ASTN2: variants seen among roughly 807,000 people sequenced by gnomAD.
The protein encoded by ASTN2 is astrotactin 2, also known as astrotactin-2.
A neutral mutation model predicts 139.8 loss-of-function variants in ASTN2; 54 were observed. That is an observed-to-expected ratio of 0.39 (90% CI 0.31 to 0.48). ASTN2 has a LOEUF of 0.48. Among genes scored for constraint, ASTN2 ranks in the 20% least tolerant of loss-of-function variants. The pLI, the probability that ASTN2 is intolerant of heterozygous loss-of-function variation, is 0.95. For missense variants in ASTN2, 1,565 were observed against 1,725.1 expected, an observed-to-expected ratio of 0.91 and a Z score of 1.64; for synonymous variants, 756 against 719.5, an observed-to-expected ratio of 1.05 and a Z score of -0.81.
At chr9:116,889,703 T>C (rs1235974996) in intron 10 of ASTN2, among the ~76,000 whole-genome samples, 2 of 147,534 alleles carry the variant, frequency 1.4e-5, no homozygotes, top group Non-Finnish European at 3.0e-5. Flanking sequence ...CTGGGCAACA[T>C]AGCAAGACCT....
intron 4 of ASTN2, among the ~76,000 whole-genome samples, chr9:117,139,231 A>G (rs1480282097): frequency 6.6e-6 from 1 of 152,248 alleles, no homozygotes. Context: ...GCATGTATTC[A>G]TTCCCTGATG....
At chr9:117,373,079 C>T (rs1045937773) in intron 1 of ASTN2, among the ~76,000 whole-genome samples, 6 of 152,044 alleles carry the variant, frequency 3.9e-5, no homozygotes, top group South Asian at 4.2e-4. Flanking sequence ...TGCTGTCATT[C>T]GCATCATTGT....
chr9:116,600,557 C>T (rs758220233), intron 19 of ASTN2, among the ~76,000 whole-genome samples: 3 of 152,136 alleles, frequency 2.0e-5, no homozygotes, highest in Non-Finnish European at 4.4e-5. Flanking sequence ...GACTTATCCT[C>T]AACTCCCTCA....
chr9:117,366,797 C>T (rs552170013), intron 1 of ASTN2, among the ~76,000 whole-genome samples: 9 of 151,946 alleles, frequency 5.9e-5, no homozygotes, highest in East Asian at 3.9e-4. Flanking sequence ...TTTTCTGAGA[C>T]GCAGTCTCAC....
At chr9:117,047,660 C>G (rs1051968679) in intron 5 of ASTN2, among the ~76,000 whole-genome samples, 2 of 152,108 alleles carry the variant, frequency 1.3e-5, no homozygotes, top group Non-Finnish European at 2.9e-5. Flanking sequence ...TTTAATATCT[C>G]CTTCCCAGGG....
chr9:117,286,221 T>C (rs1227759480), intron 2 of ASTN2, among the ~76,000 whole-genome samples: 1 of 151,972 alleles, frequency 6.6e-6, no homozygotes, highest in Non-Finnish European at 1.5e-5. Flanking sequence ...AATGTGACAA[T>C]GGCAATGGCA....
At chr9:116,681,025 G>A (rs1859830490) in intron 16 of ASTN2, among the ~76,000 whole-genome samples, 1 of 152,162 alleles carries the variant, frequency 6.6e-6, no homozygotes, top group Non-Finnish European at 1.5e-5. Flanking sequence ...TCTGGCCAGG[G>A]CAATTAGGCA....
chr9:117,280,428 A>G (rs1834297728), intron 2 of ASTN2, among the ~76,000 whole-genome samples: 1 of 152,182 alleles, frequency 6.6e-6, no homozygotes, highest in African/African-American at 2.4e-5. Context: ...AAAAAATCTT[A>G]TGTATAACAA....
chr9:116,563,530 C>T (rs1020377552), intron 19 of ASTN2, among the ~76,000 whole-genome samples: 6 of 152,170 alleles, frequency 3.9e-5, no homozygotes, highest in African/African-American at 9.7e-5. Flanking sequence ...CAAGGTCTTG[C>T]ACTTGCTATT....
intron 19 of ASTN2, among the ~76,000 whole-genome samples, chr9:116,517,383 G>A (rs1040202158): frequency 6.6e-6 from 1 of 152,170 alleles, no homozygotes; most frequent in South Asian, 2.1e-4. Flanking sequence ...GCTCTGCTGG[G>A]TGGCTAGACT....
chr9:116,985,446 G>A (rs1457004514), intron 7 of ASTN2, among the ~76,000 whole-genome samples: 3 of 152,186 alleles, frequency 2.0e-5, no homozygotes, highest in Admixed American at 6.5e-5. Flanking sequence ...CAGTCCATAC[G>A]GGGTGGTCAG....
intron 7 of ASTN2, among the ~76,000 whole-genome samples, chr9:117,004,492 G>T (rs1008643297): frequency 6.6e-6 from 1 of 152,064 alleles, no homozygotes; most frequent in African/African-American, 2.4e-5. Context: ...GGGAATGGCG[G>T]TTATAAAGCC....
At chr9:117,398,988 G>A (rs1401686779) in intron 1 of ASTN2, among the ~76,000 whole-genome samples, 1 of 152,016 alleles carries the variant, frequency 6.6e-6, no homozygotes, top group Admixed American at 6.5e-5. Flanking sequence ...TCACCACATT[G>A]GCCAGGATGG....
chr9:117,210,781 T>C (rs995910634), intron 3 of ASTN2, among the ~76,000 whole-genome samples: 2 of 152,106 alleles, frequency 1.3e-5, no homozygotes, highest in Non-Finnish European at 2.9e-5. Context: ...TCAATATCCC[T>C]GATGAAAATA....
chr9:117,099,107 C>CG (rs1828909880), intron 4 of ASTN2, among the ~76,000 whole-genome samples: 1 of 116,878 alleles, frequency 8.6e-6, no homozygotes, highest in Non-Finnish European at 1.8e-5. Flanking sequence ...ACTCCGTCTC[C>CG]AAAAAAAAAA....
Position 117,414,894 on chromosome 9 carries a change from C to T in ASTN2, c.45G>A (p.Gly15=). ...GARLSPGPGS[G]LRGRPRLCFH... is the part of the protein sequence containing the mutation. ...AGCAGAGCCTCGGCCGCCCCCGGAG[C>T]CCCGAGCCGGGGCCGGGGCTGAGCC... Residue 15 remains glycine, a synonymous_variant, in exon 1 of 23, where the codon GGG becomes GGA. Transcript: ENST00000313400. The surrounding 1 kb of genome is among the most constrained non-coding windows in gnomAD (Gnocchi z 4.2). 1 of 787,292 alleles carries T rather than the reference C, an allele frequency of 1.3e-6. No homozygotes were observed. The highest frequency in any genetic ancestry group is 1.6e-6 in the Non-Finnish European group (1 of 616,472). 48.8% of individuals were successfully genotyped at this position (787,292 alleles called of 1,614,324 possible).
At chr9:117,261,809 T>C (rs1564113259) in intron 2 of ASTN2, among the ~76,000 whole-genome samples, 1 of 152,172 alleles carries the variant, frequency 6.6e-6, no homozygotes, top group African/African-American at 2.4e-5. Context: ...TATTCAGTTA[T>C]GAGCAGTCTC....
At chr9:117,137,185 G>A (rs1177361111) in intron 4 of ASTN2, among the ~76,000 whole-genome samples, 1 of 152,120 alleles carries the variant, frequency 6.6e-6, no homozygotes, top group Non-Finnish European at 1.5e-5. Context: ...CCTCTGTCTG[G>A]CTAAGAATGA....
chr9:117,298,630 CCT>C (rs796708158), intron 1 of ASTN2, among the ~76,000 whole-genome samples: 119 of 145,060 alleles, frequency 8.2e-4, no homozygotes, highest in African/African-American at 3.0e-3. Context: ...GTTATAGTAT[CCT>C]CTTTTACTAC....
Sources: allele counts gnomAD v4.1 joint callset (sites outside exome capture counted in the v4.1 genomes callset), GRCh38; gene constraint gnomAD v4.1.1; non-coding constraint Gnocchi (gnomAD v3.1); transcripts MANE v1.5; gene names NCBI Gene and HGNC (gene_info 2026-07-23, HGNC 2026-07-21).